The following KLF12 variants were observed in gnomAD, a reference collection of about 807,000 sequenced individuals.
The protein encoded by KLF12 is Krueppel-like factor 12.
KLF12 carries 9 observed loss-of-function variants against 37.8 expected under a neutral mutation model. The ratio of observed to expected loss-of-function variants is 0.24; its 90% CI spans 0.14 to 0.42. KLF12 has a LOEUF of 0.42. Ranked by LOEUF, KLF12 falls within the 10% of genes least tolerant of loss-of-function variation. The pLI is 1.00. For missense variants in KLF12, 411 were observed against 516.0 expected (o/e 0.80, Z 1.97); for synonymous variants, 208 against 202.1 (o/e 1.03, Z -0.25).
the KLF12 span, among the ~76,000 whole-genome samples, chr13:74,264,184 T>A: frequency 6.6e-6 from 1 of 152,214 alleles, no homozygotes; most frequent in Admixed American, 6.5e-5. Context: ...AATTTGCTGA[T>A]GTTGAATAAC....
intron 7 of KLF12, among the ~76,000 whole-genome samples, chr13:73,707,272 T>C (rs887038002): frequency 1.1e-4 from 16 of 152,166 alleles, no homozygotes; most frequent in Non-Finnish European, 1.5e-5. Flanking sequence ...GTGATGAGTA[T>C]ATGTAAAGCA....
At chr13:73,936,561 T>C (rs941752479) in intron 3 of KLF12, among the ~76,000 whole-genome samples, 1 of 152,062 alleles carries the variant, frequency 6.6e-6, no homozygotes. Context: ...AGCTCTCTCT[T>C]TGTGCAATTC....
chr13:73,895,809 T>C (rs1009468993), intron 3 of KLF12, among the ~76,000 whole-genome samples: 3 of 139,468 alleles, frequency 2.2e-5, no homozygotes, highest in African/African-American at 8.5e-5. Context: ...CAATGAGAAA[T>C]CACCATGGAA....
At chr13:74,223,323 T>C in the KLF12 span, among the ~76,000 whole-genome samples, 2,597 of 152,344 alleles carry the variant, frequency 0.017, 35 homozygotes, top group Non-Finnish European at 0.027. Flanking sequence ...AAATAATATC[T>C]GGGAGTTTAT....
At chr13:74,146,410 C>T in the KLF12 span, among the ~76,000 whole-genome samples, 1 of 152,210 alleles carries the variant, frequency 6.6e-6, no homozygotes, top group Non-Finnish European at 1.5e-5. Flanking sequence ...ATTATTATCC[C>T]CAACAGAAAA....
chr13:73,870,112 C>T (rs1212840028), intron 3 of KLF12, among the ~76,000 whole-genome samples: 1 of 152,168 alleles, frequency 6.6e-6, no homozygotes, highest in Non-Finnish European at 1.5e-5. Context: ...TCTAACATTG[C>T]TTTTCTTACT....
At chr13:74,056,842 C>T (rs938508453) in intron 1 of KLF12, among the ~76,000 whole-genome samples, 1 of 152,114 alleles carries the variant, frequency 6.6e-6, no homozygotes, top group African/African-American at 2.4e-5. Flanking sequence ...GGATGAAATT[C>T]ATCTCAGTGG....
intron 2 of KLF12, among the ~76,000 whole-genome samples, chr13:73,956,843 T>A (rs1890850053): frequency 6.6e-6 from 1 of 151,912 alleles, no homozygotes; most frequent in Admixed American, 6.6e-5. Flanking sequence ...AATGATCACT[T>A]GAGCCTGGGA....
At chr13:74,167,406 C>A in the KLF12 span, among the ~76,000 whole-genome samples, 1 of 152,146 alleles carries the variant, frequency 6.6e-6, no homozygotes, top group Non-Finnish European at 1.5e-5. Flanking sequence ...TTTTCCTAGA[C>A]GCTGTTTCTA....
At chr13:73,836,638 T>A (rs1007290260) in intron 4 of KLF12, among the ~76,000 whole-genome samples, 5 of 152,164 alleles carry the variant, frequency 3.3e-5, no homozygotes, top group Admixed American at 3.3e-4. Flanking sequence ...TTGTACTATA[T>A]GAAATCAGAA....
At chr13:73,937,516 T>G (rs148396738) in intron 3 of KLF12, among the ~76,000 whole-genome samples, 2 of 152,228 alleles carry the variant, frequency 1.3e-5, no homozygotes, top group African/African-American at 4.8e-5. Context: ...GCACTTTACA[T>G]TCTCTTCAAC....
intron 4 of KLF12, among the ~76,000 whole-genome samples, chr13:73,838,161 T>C (rs540886014): frequency 6.6e-6 from 1 of 152,278 alleles, no homozygotes; most frequent in African/African-American, 2.4e-5. Flanking sequence ...TAGGTCACAA[T>C]GCGCAATGAG....
At chr13:74,150,021 G>A in the KLF12 span, among the ~76,000 whole-genome samples, 1 of 152,100 alleles carries the variant, frequency 6.6e-6, no homozygotes, top group Non-Finnish European at 1.5e-5. Flanking sequence ...CCTCATCCAT[G>A]TCCCTTCTCT....
chr13:74,122,758 A>G (rs897130300), intron 1 of KLF12, among the ~76,000 whole-genome samples: 6 of 152,056 alleles, frequency 3.9e-5, no homozygotes, highest in Admixed American at 1.3e-4. Context: ...GCACTGAACA[A>G]AAAAAGATAA....
chr13:74,056,027 A>G (rs1873224828), intron 1 of KLF12, among the ~76,000 whole-genome samples: 1 of 152,242 alleles, frequency 6.6e-6, no homozygotes, highest in African/African-American at 2.4e-5. Context: ...ACATGGGTGT[A>G]CCTGAGAACT....
chr13:74,222,247 G>T, the KLF12 span, among the ~76,000 whole-genome samples: 1 of 152,222 alleles, frequency 6.6e-6, no homozygotes, highest in African/African-American at 2.4e-5. Flanking sequence ...CTTCAACCAA[G>T]TTCTGGATGG....
chr13:74,175,428 A>G, the KLF12 span, among the ~76,000 whole-genome samples: 3 of 152,208 alleles, frequency 2.0e-5, no homozygotes, highest in Non-Finnish European at 4.4e-5. Context: ...CTTACAATCC[A>G]TATCAGTTCA....
intron 6 of KLF12, among the ~76,000 whole-genome samples, chr13:73,732,681 G>A (rs747105344): frequency 8.5e-5 from 13 of 152,078 alleles, no homozygotes; most frequent in Non-Finnish European, 1.0e-4. Flanking sequence ...ACTCTTCCTT[G>A]AGTGATCTTG....
the KLF12 span, among the ~76,000 whole-genome samples, chr13:74,256,774 G>T: frequency 6.6e-6 from 1 of 151,686 alleles, no homozygotes; most frequent in Admixed American, 6.6e-5. Context: ...ACTATTTGCA[G>T]ACTCACTGTC....
Sources: allele counts gnomAD v4.1 joint callset (sites outside exome capture counted in the v4.1 genomes callset), GRCh38; gene constraint gnomAD v4.1.1; transcripts MANE v1.5; gene names NCBI Gene and HGNC (gene_info 2026-07-23, HGNC 2026-07-21).